The following BDKRB2 variants were observed in gnomAD, a reference collection of about 807,000 sequenced individuals.
BDKRB2 encodes bradykinin receptor B2.
BDKRB2 carries 6 observed loss-of-function variants against 4.0 expected under a neutral mutation model. The observed-to-expected ratio is 1.49, with a 90% confidence interval of 0.81 to 2.93. The LOEUF is 2.93. Among genes scored for constraint, BDKRB2 ranks in the 30% most tolerant of loss-of-function variants. The pLI is 0.00. For missense variants in BDKRB2, 478 were observed against 520.1 expected (o/e 0.92, Z 0.79); for synonymous variants, 225 against 215.3 (o/e 1.05, Z -0.40).
intron 1 of BDKRB2, among the ~76,000 whole-genome samples, chr14:96,206,763 G>A (rs887312500): frequency 2.6e-5 from 4 of 151,982 alleles, no homozygotes; most frequent in Non-Finnish European, 5.9e-5. Flanking sequence ...GCGGTGGGGG[G>A]AGCCCTGCAG....
At chr14:96,224,722 T>C (rs1020765491) in intron 1 of BDKRB2, among the ~76,000 whole-genome samples, 1 of 152,188 alleles carries the variant, frequency 6.6e-6, no homozygotes, top group Non-Finnish European at 1.5e-5. Context: ...TGAGAGATTC[T>C]GGGCCCGTTT....
At chr14:96,234,006 C>T (rs1566694376) in intron 1 of BDKRB2, 1 of 152,162 alleles carries the variant, frequency 6.6e-6, no homozygotes, top group African/African-American at 2.4e-5. Flanking sequence ...TGAGTCCACC[C>T]TCCTAGCTCT....
intron 1 of BDKRB2, among the ~76,000 whole-genome samples, chr14:96,225,406 G>T (rs1308407997): frequency 6.6e-6 from 1 of 152,122 alleles, no homozygotes; most frequent in Non-Finnish European, 1.5e-5. Flanking sequence ...GAGGAGGTGA[G>T]ATTGGAGGTG....
intron 1 of BDKRB2, among the ~76,000 whole-genome samples, chr14:96,220,382 A>C (rs1890530423): frequency 6.6e-6 from 1 of 152,130 alleles, no homozygotes; most frequent in Admixed American, 6.5e-5. Flanking sequence ...TTTCCTAGGC[A>C]CGAGCTTATC....
intron 2 of BDKRB2, chr14:96,238,779 A>T: frequency 5.1e-6 from 5 of 985,538 alleles, no homozygotes; most frequent in Non-Finnish European, 6.0e-6. Context: ...CCAACCCCTT[A>T]CCCACCAGCC....
intron 1 of BDKRB2, among the ~76,000 whole-genome samples, chr14:96,224,081 A>G (rs1232400021): frequency 6.6e-6 from 1 of 151,328 alleles, no homozygotes; most frequent in Non-Finnish European, 1.5e-5. Flanking sequence ...CTTTTAGAGA[A>G]GAATAGTGAA....
intron 1 of BDKRB2, among the ~76,000 whole-genome samples, chr14:96,227,773 A>G (rs1890733228): frequency 1.3e-5 from 2 of 152,332 alleles, no homozygotes; most frequent in South Asian, 4.1e-4. Context: ...CACTCGGCTC[A>G]AGCCCCAAAT....
chr14:96,240,358 C>G (rs759569674), intron 2 of BDKRB2, 45 bp from the exon 3 acceptor site: 1 of 1,415,474 alleles, frequency 7.1e-7, no homozygotes, highest in South Asian at 1.9e-5. Context: ...TTGTCCTTCC[C>G]TTGTGACCCT....
rs60546995 is a variant in BDKRB2 at position 96,207,061 on chromosome 14, C to T, written c.-40+2102C>T. Among the ~76,000 whole-genome samples, 1,684 of 152,262 alleles carry T rather than the reference C, an allele frequency of 0.011. 159 individuals are homozygous for T. In the East Asian group the frequency reaches 0.22, roughly 20 times the overall value. Reference sequence around the variant, plus strand: ...TGATCTAATCTCCCCCCAGAAGTCTCACCTTTTAATATCACCAGCTTGGAG... The same window carrying T: ...TGATCTAATCTCCCCCCAGAAGTCTTACCTTTTAATATCACCAGCTTGGAG... On this transcript the variant is annotated intron_variant, in intron 1 of 2. Transcript: ENST00000554311.
intron 1 of BDKRB2, among the ~76,000 whole-genome samples, chr14:96,229,289 G>A (rs1429390963): frequency 6.6e-6 from 1 of 152,114 alleles, no homozygotes; most frequent in Non-Finnish European, 1.5e-5. Flanking sequence ...ATCAGTCAGA[G>A]AAACAGAACC....
intron 1 of BDKRB2, among the ~76,000 whole-genome samples, chr14:96,231,133 G>A (rs917817747): frequency 1.3e-5 from 2 of 152,214 alleles, no homozygotes; most frequent in Non-Finnish European, 2.9e-5. Context: ...CCAAGGGTGA[G>A]CAAAGCCAGG....
rs1316946517 is a variant in BDKRB2 at position 96,242,060 on chromosome 14, G to A, written c.*556G>A. 1 of 152,906 alleles carries A rather than the reference G, an allele frequency of 6.5e-6. No individual in the cohort carries two copies. The highest frequency in any genetic ancestry group is 6.5e-5 in the Admixed American group (1 of 15,368). 9.5% of individuals were successfully genotyped at this position (152,906 alleles called of 1,614,324 possible). A position where few individuals can be genotyped will look rare whatever the true frequency, so the allele number is the denominator to read the frequency against. On this transcript the variant is annotated 3_prime_UTR_variant, in exon 3 of 3. Coordinates refer to ENST00000554311, the MANE Select transcript of BDKRB2 (RefSeq NM_001379692.1). Reference sequence around the variant, plus strand: ...GGATTTTATGGCTCCCCTCACTGATGGACAAGGAGGTCTGTGCCAAAGAAG... The same window carrying A: ...GGATTTTATGGCTCCCCTCACTGATAGACAAGGAGGTCTGTGCCAAAGAAG...
At chr14:96,229,023 GCA>G (rs913632914) in intron 1 of BDKRB2, among the ~76,000 whole-genome samples, 1 of 152,160 alleles carries the variant, frequency 6.6e-6, no homozygotes, top group Non-Finnish European at 1.5e-5. Flanking sequence ...AACAGGTGGG[GCA>G]CACTGTGAGC....
intron 1 of BDKRB2, among the ~76,000 whole-genome samples, chr14:96,236,192 CG>C (rs1222350737): frequency 6.6e-6 from 1 of 152,108 alleles, no homozygotes; most frequent in Non-Finnish European, 1.5e-5. Context: ...GGTAACCAGC[CG>C]GAGGGACTGG....
Position 96,240,304 on chromosome 14 carries a change from C to A in BDKRB2, c.75-99C>A, listed in dbSNP as rs766463294. On this transcript the variant is annotated intron_variant, in intron 2 of 2. Coordinates refer to ENST00000554311, the MANE Select transcript of BDKRB2 (RefSeq NM_001379692.1). The stretch of plus-strand genomic sequence containing the variant: ...GAGCTCCACCTCGGCTTCTCCTTGC[C>A]CTGGCTGGTTGTCCTTAACCCCTGT... 1.4e-5 allele frequency: 19 copies of A among 1,353,548 alleles called. No homozygotes were observed. The South Asian group carries it at 4.3e-4, about 31-fold the overall frequency. The allele number at this position is 1,353,548 out of a possible 1,614,324, so 83.8% of individuals were successfully genotyped here.
chr14:96,237,536 C>A (rs1285357329), intron 2 of BDKRB2, among the ~76,000 whole-genome samples: 1 of 152,302 alleles, frequency 6.6e-6, no homozygotes, highest in South Asian at 2.1e-4. Context: ...GACAAAATAT[C>A]TCCAACACAT....
At chr14:96,208,226 G>T (rs1890233349) in intron 1 of BDKRB2, among the ~76,000 whole-genome samples, 1 of 152,100 alleles carries the variant, frequency 6.6e-6, no homozygotes, top group Non-Finnish European at 1.5e-5. Context: ...GGGACCTAAG[G>T]CTCTGCTTCC....
intron 1 of BDKRB2, among the ~76,000 whole-genome samples, chr14:96,224,540 G>T (rs1443588407): frequency 1.3e-5 from 2 of 152,172 alleles, no homozygotes; most frequent in Non-Finnish European, 2.9e-5. Context: ...TTCCAGGGAG[G>T]TTATCCTTAT....
At chr14:96,225,389 C>A (rs557992954) in intron 1 of BDKRB2, among the ~76,000 whole-genome samples, 7 of 152,056 alleles carry the variant, frequency 4.6e-5, no homozygotes, top group Non-Finnish European at 1.0e-4. Context: ...TCAGGGAAGG[C>A]TTCTTAGAGG....
Sources: allele counts gnomAD v4.1 joint callset (sites outside exome capture counted in the v4.1 genomes callset), GRCh38; gene constraint gnomAD v4.1.1; transcripts MANE v1.5; gene names NCBI Gene and HGNC (gene_info 2026-07-23, HGNC 2026-07-21).